TNS3: variants seen among roughly 807,000 people sequenced by gnomAD.
TNS3 encodes the protein tensin-3.
Under a neutral mutation model 140.9 loss-of-function variants are expected in TNS3, and 45 were observed. That is an observed-to-expected ratio of 0.32 (90% confidence interval 0.25 to 0.41). The LOEUF (loss-of-function observed/expected upper bound fraction) is 0.41. TNS3 is among the 10% of genes least tolerant of loss of function. TNS3 has a pLI of 1.00. For missense variants in TNS3, 1,716 were observed against 1,906.7 expected (o/e 0.90, Z 1.86); for synonymous variants, 815 against 788.4 (o/e 1.03, Z -0.56).
chr7:47,481,310 G>A (rs1345680238), intron 3 of TNS3, 169 bp from the exon 4 acceptor site: 1 of 438,340 alleles, frequency 2.3e-6, no homozygotes, highest in African/African-American at 2.1e-5. Context: ...AGAGTCCAGG[G>A]TTTTGTTCAC....
intron 4 of TNS3, among the ~76,000 whole-genome samples, chr7:47,473,890 C>T (rs1202491541): frequency 6.6e-6 from 1 of 152,176 alleles, no homozygotes; most frequent in Non-Finnish European, 1.5e-5. Context: ...TTTCATTTAT[C>T]TGAAGCTCCT....
At chr7:47,352,127 A>G (rs1789714218) in intron 17 of TNS3, among the ~76,000 whole-genome samples, 1 of 151,574 alleles carries the variant, frequency 6.6e-6, no homozygotes, top group Non-Finnish European at 1.5e-5. Flanking sequence ...TCTCTCACAC[A>G]CTCTTACACT....
At chr7:47,519,486 C>G (rs1199454748) in intron 2 of TNS3, among the ~76,000 whole-genome samples, 1 of 152,126 alleles carries the variant, frequency 6.6e-6, no homozygotes, top group Non-Finnish European at 1.5e-5. Context: ...TGAGCAGACC[C>G]CAGCGGTGGG....
At chr7:47,350,683 G>T (rs1412411885) in intron 17 of TNS3, among the ~76,000 whole-genome samples, 1 of 152,166 alleles carries the variant, frequency 6.6e-6, no homozygotes, top group Non-Finnish European at 1.5e-5. Context: ...TGCTCACAGG[G>T]GACGAGTCCT....
At chr7:47,393,565 C>A (rs1792653367) in intron 16 of TNS3, among the ~76,000 whole-genome samples, 1 of 152,146 alleles carries the variant, frequency 6.6e-6, no homozygotes, top group Admixed American at 6.5e-5. Flanking sequence ...TCCCCTGTCA[C>A]TCCACCTCCC....
intron 23 of TNS3, among the ~76,000 whole-genome samples, chr7:47,301,608 A>T (rs999304388): frequency 6.6e-6 from 1 of 150,960 alleles, no homozygotes; most frequent in Non-Finnish European, 1.5e-5. Context: ...ATTGCTCAAA[A>T]ATTAGTATTA....
At chr7:47,454,442 C>T (rs1400449610) in intron 4 of TNS3, among the ~76,000 whole-genome samples, 1 of 152,198 alleles carries the variant, frequency 6.6e-6, no homozygotes, top group African/African-American at 2.4e-5. Flanking sequence ...ACAACACCAC[C>T]AGCCTCCCAG....
intron 3 of TNS3, among the ~76,000 whole-genome samples, chr7:47,506,632 C>T (rs1388304474): frequency 1.3e-5 from 2 of 151,772 alleles, no homozygotes; most frequent in African/African-American, 4.8e-5. Context: ...GACCATGTGC[C>T]ACTGAGAAGG....
chr7:47,414,875 G>T (rs1262928148), intron 11 of TNS3, among the ~76,000 whole-genome samples: 1 of 152,188 alleles, frequency 6.6e-6, no homozygotes, highest in African/African-American at 2.4e-5. Context: ...CCCCCTTGCT[G>T]GCCGCCAGTC....
chr7:47,500,082 AAC>A (rs746427298), intron 3 of TNS3, among the ~76,000 whole-genome samples: 3 of 152,022 alleles, frequency 2.0e-5, no homozygotes, highest in Admixed American at 1.3e-4. Flanking sequence ...CAAACATTAA[AAC>A]ACACACACAC....
intron 4 of TNS3, among the ~76,000 whole-genome samples, chr7:47,480,694 T>C (rs976170026): frequency 6.6e-6 from 1 of 152,242 alleles, no homozygotes; most frequent in Non-Finnish European, 1.5e-5. Flanking sequence ...TTGTCAGAGC[T>C]GGATGTCAGT....
intron 4 of TNS3, among the ~76,000 whole-genome samples, chr7:47,451,025 T>G (rs544711044): frequency 1.2e-4 from 18 of 152,144 alleles, no homozygotes; most frequent in Non-Finnish European, 2.2e-4. Context: ...ACCCAGCTAC[T>G]TGGGTGACTG....
intron 1 of TNS3, among the ~76,000 whole-genome samples, chr7:47,569,924 G>A (rs1402392291): frequency 1.3e-5 from 2 of 152,056 alleles, no homozygotes; most frequent in Non-Finnish European, 2.9e-5. Flanking sequence ...CAAGGCAGGC[G>A]GATCACCTGA....
intron 1 of TNS3, among the ~76,000 whole-genome samples, chr7:47,547,650 A>G (rs962670298): frequency 4.6e-5 from 7 of 152,068 alleles, no homozygotes; most frequent in Non-Finnish European, 1.0e-4. Flanking sequence ...CAGCAAGCCA[A>G]GGTCACAGAC....
chr7:47,299,504 C>T (rs1025623768), intron 23 of TNS3, among the ~76,000 whole-genome samples: 11 of 152,136 alleles, frequency 7.2e-5, no homozygotes, highest in Admixed American at 5.2e-4. Flanking sequence ...CTGTGATATA[C>T]CTCAGAGCTT....
intron 1 of TNS3, among the ~76,000 whole-genome samples, chr7:47,530,838 A>AAAAAAATATATAT: frequency 1.6e-4 from 9 of 54,564 alleles, no homozygotes; most frequent in African/African-American, 7.1e-4. Flanking sequence ...AAAAAAAAAA[A>AAAAAAATATATAT]ATATATATAT....
chr7:47,388,844 G>T (rs1728640017), intron 16 of TNS3, among the ~76,000 whole-genome samples: 1 of 151,678 alleles, frequency 6.6e-6, no homozygotes, highest in Non-Finnish European at 1.5e-5. Flanking sequence ...TCCAGCCTGG[G>T]TCTCAGAGCG....
At chr7:47,513,107 T>A (rs1798665586) in intron 2 of TNS3, among the ~76,000 whole-genome samples, 1 of 152,234 alleles carries the variant, frequency 6.6e-6, no homozygotes, top group Non-Finnish European at 1.5e-5. Flanking sequence ...TTAGTATTCA[T>A]AATATAGTGA....
chr7:47,428,879 A>G (rs1246958181), intron 8 of TNS3, among the ~76,000 whole-genome samples: 1 of 152,180 alleles, frequency 6.6e-6, no homozygotes, highest in Admixed American at 6.5e-5. Context: ...CTCATTACAC[A>G]TAAAGGAACC....
Sources: allele counts gnomAD v4.1 joint callset (sites outside exome capture counted in the v4.1 genomes callset), GRCh38; gene constraint gnomAD v4.1.1; transcripts MANE v1.5; gene names NCBI Gene and HGNC (gene_info 2026-07-23, HGNC 2026-07-21).